MYOM2: variants seen among roughly 807,000 people sequenced by gnomAD.
MYOM2 encodes myomesin 2, also known as myomesin-2.
A neutral mutation model predicts 187.6 loss-of-function variants in MYOM2; 254 were observed. The ratio of observed to expected loss-of-function variants is 1.35; its 90% CI spans 1.22 to 1.50. The LOEUF (loss-of-function observed/expected upper bound fraction) is 1.50, where lower values mean the gene tolerates loss of function less well. Ranked by LOEUF, MYOM2 falls within the 40% of genes most tolerant of loss-of-function variation. The pLI is 0.00. For synonymous variants in MYOM2, 981 were observed against 753.8 expected, an observed-to-expected ratio of 1.30 and a Z score of -4.94; for missense variants, 2,796 against 1,924.0, an observed-to-expected ratio of 1.45 and a Z score of -8.48.
intron 6 of MYOM2, among the ~76,000 whole-genome samples, chr8:2,064,460 TC>T (rs762535768): frequency 1.3e-5 from 2 of 152,120 alleles, no homozygotes; most frequent in Non-Finnish European, 2.9e-5. Context: ...CGTCAGTGGG[TC>T]GGGATCTTTG....
intron 18 of MYOM2, among the ~76,000 whole-genome samples, chr8:2,098,477 G>T (rs574754967): frequency 3.9e-4 from 59 of 152,312 alleles, no homozygotes; most frequent in African/African-American, 1.4e-3. Flanking sequence ...TCAGGGGACA[G>T]TGCGTGGCCT....
chr8:2,078,710 T>G (rs781586097), intron 11 of MYOM2, 24 bp from the exon 12 acceptor site: 108 of 1,612,280 alleles, frequency 6.7e-5, no homozygotes, highest in East Asian at 4.5e-4. Flanking sequence ...TATTCTCTGT[T>G]GTTTTTCTTT....
intron 9 of MYOM2, 104 bp downstream of exon 9, chr8:2,072,613 T>C: frequency 7.3e-7 from 1 of 1,366,062 alleles, no homozygotes; most frequent in Non-Finnish European, 9.8e-7. Flanking sequence ...TACCACTGGG[T>C]CAGCTCCAGA....
intron 2 of MYOM2, among the ~76,000 whole-genome samples, 164 bp downstream of exon 2, chr8:2,051,037 A>G (rs1563411405): frequency 1.3e-5 from 2 of 151,838 alleles, no homozygotes; most frequent in African/African-American, 4.8e-5. Context: ...ACGGAGCAGC[A>G]CTCTGTGGAG....
At chr8:2,122,740 G>C (rs1404641585) in intron 28 of MYOM2, among the ~76,000 whole-genome samples, 1 of 152,190 alleles carries the variant, frequency 6.6e-6, no homozygotes, top group African/African-American at 2.4e-5. Flanking sequence ...TTTCTAGCCA[G>C]CGATTGAATT....
At chr8:2,143,664 C>G (rs985173235) in intron 36 of MYOM2, among the ~76,000 whole-genome samples, 18 of 152,142 alleles carry the variant, frequency 1.2e-4, no homozygotes, top group African/African-American at 4.3e-4. Context: ...AATCACATAA[C>G]ATTCCGAATC....
In MYOM2 at chr8:2,102,687, T is replaced by A. The variant is rs1229151168; in HGVS notation, c.2640T>A (p.Gly880=). ...RYLKVSDLQQ[G]KTYVFRVRAV... Reference sequence around the variant, plus strand: ...TCAAGGTCTCTGACCTGCAGCAAGGTAAGACCTATGTCTTCAGGGTCCGGG... The same window carrying A: ...TCAAGGTCTCTGACCTGCAGCAAGGAAAGACCTATGTCTTCAGGGTCCGGG... The change falls in exon 21 of 37, where the codon GGT becomes GGA. Residue 880 remains glycine (G), a synonymous_variant. Coordinates refer to ENST00000262113, the MANE Select transcript of MYOM2 (RefSeq NM_003970.4). 1 of 1,613,136 alleles carries A rather than the reference T, an allele frequency of 6.2e-7. No homozygotes were observed. Among genetic ancestry groups the A allele is most frequent in the Non-Finnish European group, 8.5e-7 (1 of 1,179,108 alleles).
chr8:2,087,248 A>G (rs7816051), intron 14 of MYOM2, among the ~76,000 whole-genome samples: 120,021 of 152,164 alleles, frequency 0.79, 47,426 homozygotes, highest in South Asian at 0.84. Context: ...GTATGCAAGT[A>G]ACAGAGAATA....
rs776180389 is a variant in MYOM2, at chr8:2,116,045, C to T, written c.3266C>T (p.Thr1089Ile). Residue 1089 changes from threonine (T) to isoleucine (I), a missense_variant, in exon 26 of 37, where the codon ACT becomes ATT. Thr to Ile is a moderately conservative substitution (Grantham distance 89). Coordinates refer to ENST00000262113, the MANE Select transcript of MYOM2 (RefSeq NM_003970.4). The part of the protein sequence containing the change: ...RFSIENEGTY[T>I]VQIHDGKAKS... ...AGTATTGAAAATGAGGGGACCTACA[C>T]TGTGCAGATTCATGATGGGAAAGCC... 55 of 1,613,978 alleles carry T rather than the reference C, an allele frequency of 3.4e-5. No individual in the cohort carries two copies. The highest frequency in any genetic ancestry group is 4.7e-5 in the Non-Finnish European group (55 of 1,180,004).
At chr8:2,069,241 A>C (rs745686098) in intron 6 of MYOM2, 37 bp from the exon 7 acceptor site, 2 of 1,588,178 alleles carry the variant, frequency 1.3e-6, no homozygotes, top group Non-Finnish European at 1.7e-6. Flanking sequence ...TTTACACAAC[A>C]GTCCCGCAGA....
chr8:2,101,107 A>G, intron 20 of MYOM2, 53 bp downstream of exon 20: 1 of 1,582,950 alleles, frequency 6.3e-7, no homozygotes, highest in Non-Finnish European at 8.6e-7. Context: ...GCACTTTGGG[A>G]GGTAAAGGCG....
At chr8:2,142,846 C>T (rs3779815) in intron 35 of MYOM2, among the ~76,000 whole-genome samples, 54,821 of 150,154 alleles carry the variant, frequency 0.37, 10,353 homozygotes, top group Non-Finnish European at 0.42. Flanking sequence ...ACCTCTGCCT[C>T]CTGGGTTCAA....
At chr8:2,104,294 G>A (rs1393218286) in intron 21 of MYOM2, among the ~76,000 whole-genome samples, 1 of 152,124 alleles carries the variant, frequency 6.6e-6, no homozygotes, top group African/African-American at 2.4e-5. Flanking sequence ...ACCGAGGCTG[G>A]GTAATTGTTT....
intron 13 of MYOM2, among the ~76,000 whole-genome samples, chr8:2,083,762 G>T (rs942322109): frequency 2.0e-5 from 3 of 152,202 alleles, no homozygotes; most frequent in African/African-American, 7.2e-5. Context: ...CGCAAGGCTT[G>T]TGTGATCACA....
At chr8:2,073,230 C>T (rs1819295895) in intron 9 of MYOM2, 109 bp from the exon 10 acceptor site, 7 of 1,237,788 alleles carry the variant, frequency 5.7e-6, no homozygotes, top group African/African-American at 3.0e-5. Context: ...TCCGTGGTGT[C>T]CAGCTCGACT....
At chr8:2,061,505 G>A (rs1033887434) in intron 6 of MYOM2, among the ~76,000 whole-genome samples, 5 of 152,074 alleles carry the variant, frequency 3.3e-5, no homozygotes, top group Admixed American at 1.3e-4. Context: ...TACCTGGGGC[G>A]GTGGCTTCAG....
At chr8:2,085,445 TCA>T (rs1376748842) in intron 14 of MYOM2, 55 bp downstream of exon 14, 16 of 1,591,812 alleles carry the variant, frequency 1.0e-5, no homozygotes, top group Middle Eastern at 1.7e-4. Flanking sequence ...CCCCCCACTG[TCA>T]TGATCTCTGC....
intron 26 of MYOM2, 55 bp downstream of exon 26, chr8:2,116,159 T>G (rs939591463): frequency 6.2e-7 from 1 of 1,602,158 alleles, no homozygotes; most frequent in African/African-American, 1.3e-5. Context: ...ATGAAATTCT[T>G]TTGACTGGAG....
chr8:2,074,537 C>G (rs1464770857), intron 10 of MYOM2, among the ~76,000 whole-genome samples: 1 of 152,146 alleles, frequency 6.6e-6, no homozygotes, highest in Non-Finnish European at 1.5e-5. Context: ...TCACTGCAAC[C>G]TCCGCCTCCT....
Sources: allele counts gnomAD v4.1 joint callset (sites outside exome capture counted in the v4.1 genomes callset), GRCh38; gene constraint gnomAD v4.1.1; transcripts MANE v1.5; gene names NCBI Gene and HGNC (gene_info 2026-07-23, HGNC 2026-07-21).